HS3ST5: variants seen among roughly 807,000 people sequenced by gnomAD.
The protein encoded by HS3ST5 is heparan sulfate-glucosamine 3-sulfotransferase 5, also known as heparan sulfate glucosamine 3-O-sulfotransferase 5.
HS3ST5 carries 10 observed loss-of-function variants against 25.4 expected under a neutral mutation model. The observed-to-expected ratio is 0.39, with a 90% confidence interval of 0.24 to 0.67. The LOEUF is 0.67. Ranked by LOEUF, HS3ST5 falls within the 30% of genes least tolerant of loss-of-function variation. The pLI is 0.44. For synonymous variants in HS3ST5, 170 were observed against 162.4 expected, an observed-to-expected ratio of 1.05 and a Z score of -0.36; for missense variants, 324 against 420.7, an observed-to-expected ratio of 0.77 and a Z score of 2.01.
chr6:114,176,642 ACAAAG>A (rs1403869745), intron 2 of HS3ST5, among the ~76,000 whole-genome samples: 3 of 152,164 alleles, frequency 2.0e-5, no homozygotes, highest in African/African-American at 7.2e-5. Context: ...CAGATTGGCA[ACAAAG>A]CATTTACTGA....
chr6:114,297,812 C>G (rs965859131), intron 1 of HS3ST5, among the ~76,000 whole-genome samples: 98 of 152,246 alleles, frequency 6.4e-4, no homozygotes, highest in African/African-American at 2.3e-3. Context: ...GCAGCATAGC[C>G]CAAGCTGCCA....
intron 1 of HS3ST5, among the ~76,000 whole-genome samples, chr6:114,339,719 C>T (rs1776748481): frequency 6.6e-6 from 1 of 152,138 alleles, no homozygotes; most frequent in South Asian, 2.1e-4. Flanking sequence ...CTAAAGTATT[C>T]AGACAAAGAG....
intron 3 of HS3ST5, among the ~76,000 whole-genome samples, chr6:114,124,328 G>T (rs1776932865): frequency 6.6e-6 from 1 of 152,040 alleles, no homozygotes; most frequent in Non-Finnish European, 1.5e-5. Flanking sequence ...TGGAATGCAG[G>T]GTGTGCCAAG....
chr6:114,277,974 G>A (rs1329124584), intron 1 of HS3ST5, among the ~76,000 whole-genome samples: 2 of 151,922 alleles, frequency 1.3e-5, no homozygotes, highest in Non-Finnish European at 2.9e-5. Context: ...TATCACTGAT[G>A]ACAAAGCTCT....
intron 1 of HS3ST5, among the ~76,000 whole-genome samples, chr6:114,256,086 C>T (rs1249890485): frequency 6.6e-6 from 1 of 152,020 alleles, no homozygotes; most frequent in Non-Finnish European, 1.5e-5. Context: ...TTTATAATGT[C>T]TTATAAAAAT....
intron 3 of HS3ST5, among the ~76,000 whole-genome samples, chr6:114,146,181 G>C (rs970835559): frequency 1.1e-4 from 16 of 152,332 alleles, no homozygotes; most frequent in African/African-American, 3.8e-4. Flanking sequence ...ATCTTTGAGA[G>C]TAGAGAGCTT....
At chr6:114,330,490 T>A (rs1051116542) in intron 1 of HS3ST5, among the ~76,000 whole-genome samples, 13 of 152,188 alleles carry the variant, frequency 8.5e-5, no homozygotes, top group African/African-American at 2.9e-4. Flanking sequence ...GAGTGGGGGA[T>A]GCTTCACAGC....
intron 1 of HS3ST5, among the ~76,000 whole-genome samples, chr6:114,286,701 C>G (rs917247023): frequency 6.6e-6 from 1 of 151,936 alleles, no homozygotes; most frequent in African/African-American, 2.4e-5. Flanking sequence ...TTTTTTCCCT[C>G]AAGCATACAA....
chr6:114,301,414 C>T (rs1775069178), intron 1 of HS3ST5, among the ~76,000 whole-genome samples: 1 of 152,174 alleles, frequency 6.6e-6, no homozygotes, highest in Non-Finnish European at 1.5e-5. Context: ...CACTGTCAAA[C>T]ACTTGTTGTC....
At chr6:114,157,968 C>T (rs976906714) in intron 3 of HS3ST5, among the ~76,000 whole-genome samples, 1 of 152,282 alleles carries the variant, frequency 6.6e-6, no homozygotes, top group South Asian at 2.1e-4. Context: ...TGTACAACCC[C>T]ACTCCTCCCT....
At chr6:114,065,974 A>G (rs1425423766) in intron 3 of HS3ST5, among the ~76,000 whole-genome samples, 1 of 152,138 alleles carries the variant, frequency 6.6e-6, no homozygotes, top group African/African-American at 2.4e-5. Context: ...CAGTCCACCC[A>G]TTCTTTAAGG....
At chr6:114,255,848 A>G (rs1772883666) in intron 1 of HS3ST5, among the ~76,000 whole-genome samples, 1 of 151,940 alleles carries the variant, frequency 6.6e-6, no homozygotes. Flanking sequence ...TTTTCCTCCT[A>G]GCCTCCAGGC....
At chr6:114,217,313 C>A (rs549931404) in intron 2 of HS3ST5, among the ~76,000 whole-genome samples, 1 of 152,274 alleles carries the variant, frequency 6.6e-6, no homozygotes, top group South Asian at 2.1e-4. Flanking sequence ...TTTTCCAAAG[C>A]TGCAGGTTTA....
chr6:114,194,101 AT>A (rs200277837), intron 2 of HS3ST5, among the ~76,000 whole-genome samples: 2,091 of 152,282 alleles, frequency 0.014, 58 homozygotes, highest in African/African-American at 0.049. Flanking sequence ...AGAGAATCAT[AT>A]TGAAAGAAAC....
rs7759130 is a variant in HS3ST5 at position 114,306,258 on chromosome 6, C to T, written c.-339+35937G>A. Among the ~76,000 whole-genome samples, 550 of 91,472 alleles carry T rather than the reference C, an allele frequency of 6.0e-3. 3 individuals are homozygous for T. Among genetic ancestry groups the T allele is most frequent in the South Asian group, 8.7e-3 (26 of 2,982 alleles). 60.0% of individuals were successfully genotyped at this position (91,472 alleles called of 152,430 possible). ...ATATACATATATATATATATATATA[C>T]ACACACACACACACACACACATATA... On this transcript the variant is annotated intron_variant, in intron 1 of 4. Transcript: ENST00000312719.
intron 2 of HS3ST5, 76 bp downstream of exon 2, chr6:114,228,509 T>A (rs1304597852): frequency 6.6e-6 from 1 of 152,174 alleles, no homozygotes; most frequent in Non-Finnish European, 1.5e-5. Flanking sequence ...TTATATTTTA[T>A]TAAAATATAT....
In HS3ST5 at chr6:114,306,216, A is replaced by C. The variant is rs182350699; in HGVS notation, c.-339+35979T>G. ...ATTTATTCAGGGACTATTTAAGGCAAAGCTTCTGTAAATGAAATATACATA... is the reference window on the plus strand; with the variant it reads ...ATTTATTCAGGGACTATTTAAGGCACAGCTTCTGTAAATGAAATATACATA... On this transcript the variant is annotated intron_variant, in intron 1 of 4. Transcript: ENST00000312719. Among the ~76,000 whole-genome samples the C allele has an allele frequency of 4.2e-4, 61 of 146,244 alleles. 1 individual carries two copies. The East Asian group carries it at 0.011, about 26-fold the overall frequency.
chr6:114,067,358 G>GT (rs1271346026), intron 3 of HS3ST5, among the ~76,000 whole-genome samples: 3 of 152,002 alleles, frequency 2.0e-5, no homozygotes, highest in African/African-American at 7.2e-5. Flanking sequence ...TGGTTAAACT[G>GT]TTTAAGTTTA....
At chr6:114,150,278 C>T (rs1778388136) in intron 3 of HS3ST5, among the ~76,000 whole-genome samples, 1 of 152,140 alleles carries the variant, frequency 6.6e-6, no homozygotes, top group African/African-American at 2.4e-5. Flanking sequence ...CTAGATGTCA[C>T]ATAGCCTACG....
Sources: gnomAD v4.1 joint callset for allele counts (sites outside exome capture counted in the v4.1 genomes callset) on GRCh38, gnomAD v4.1.1 for gene constraint, MANE v1.5 for transcripts, NCBI Gene and HGNC (gene_info 2026-07-23, HGNC 2026-07-21) for gene names.